The following MTMR9 variants were observed in gnomAD, a reference collection of about 807,000 sequenced individuals.
MTMR9 encodes the protein myotubularin related protein 9, also known as myotubularin-related protein 9.
Under a neutral mutation model 69.5 loss-of-function variants are expected in MTMR9, and 39 were observed. The ratio of observed to expected loss-of-function variants is 0.56; its 90% CI spans 0.43 to 0.73. MTMR9 has a LOEUF of 0.73. MTMR9 is among the 30% of genes least tolerant of loss of function. The pLI, the probability that MTMR9 is intolerant of heterozygous loss-of-function variation, is 0.00. For synonymous variants in MTMR9, 354 were observed against 240.8 expected, an observed-to-expected ratio of 1.47 and a Z score of -4.35; for missense variants, 900 against 671.2, an observed-to-expected ratio of 1.34 and a Z score of -3.77.
downstream of MTMR9, chr8:11,331,505 T>G (rs760297222): frequency 6.2e-7 from 1 of 1,613,746 alleles, no homozygotes; most frequent in Non-Finnish European, 8.5e-7. Flanking sequence ...CTGCCACTGT[T>G]CGCAAAGGTT....
At chr8:11,337,677 C>T in the MTMR9 span, among the ~76,000 whole-genome samples, 3 of 152,240 alleles carry the variant, frequency 2.0e-5, no homozygotes, top group African/African-American at 7.2e-5. Flanking sequence ...AGACTCGGTC[C>T]TGCTAGGGAA....
At chr8:11,316,548 A>T (rs1363982592) in intron 7 of MTMR9, 125 bp from the exon 8 acceptor site, 1 of 579,982 alleles carries the variant, frequency 1.7e-6, no homozygotes, top group Non-Finnish European at 3.0e-6. Context: ...TACAACAGCT[A>T]CCCTAATTAT....
intron 1 of MTMR9, among the ~76,000 whole-genome samples, chr8:11,289,308 C>T (rs751543603): frequency 1.6e-4 from 24 of 152,338 alleles, no homozygotes; most frequent in African/African-American, 2.2e-4. Flanking sequence ...AAGGGTAACT[C>T]CTTCAGTTCT....
Position 11,316,733 on chromosome 8 carries a change from T to G in MTMR9, c.1174T>G (p.Trp392Gly). The change falls in exon 8 of 10, where the codon TGG (tryptophan) becomes GGG (glycine). Residue 392 changes from tryptophan (W) to glycine (G), a missense_variant. Trp to Gly is a radical substitution (Grantham distance 184). Coordinates refer to ENST00000221086, the MANE Select transcript of MTMR9 (RefSeq NM_015458.4). Reference protein sequence around the residue: ...QSAYCNTKQKWEAPVFLLFLD... With the variant: ...QSAYCNTKQKGEAPVFLLFLD... ...AGCCTACTGTAACACCAAGCAGAAG[T>G]GGGAGGCTCCTGTATTTCTTCTCTT... 1 of 1,613,678 alleles carries G rather than the reference T, an allele frequency of 6.2e-7. No homozygotes were observed. Among genetic ancestry groups the G allele is most frequent in the Non-Finnish European group, 8.5e-7 (1 of 1,179,884 alleles).
chr8:11,331,637 C>T (rs1563297809), downstream of MTMR9: 2 of 1,612,658 alleles, frequency 1.2e-6, no homozygotes, highest in South Asian at 2.2e-5. Flanking sequence ...GACCTGGACT[C>T]TGGACACTAC....
intron 3 of MTMR9, among the ~76,000 whole-genome samples, chr8:11,304,516 C>T (rs188945631): frequency 5.9e-5 from 9 of 152,166 alleles, no homozygotes; most frequent in East Asian, 3.9e-4. Flanking sequence ...GATGGGATAC[C>T]GTGTAAAATA....
the MTMR9 span, among the ~76,000 whole-genome samples, chr8:11,337,942 T>A: frequency 6.6e-6 from 1 of 152,232 alleles, no homozygotes; most frequent in African/African-American, 2.4e-5. Flanking sequence ...ATAAATAGAA[T>A]CAAATCTCAA....
chr8:11,314,137 G>A (rs565024874), intron 6 of MTMR9, among the ~76,000 whole-genome samples: 1 of 152,338 alleles, frequency 6.6e-6, no homozygotes, highest in Admixed American at 6.5e-5. Context: ...ATGTACATGG[G>A]TAAAAACTGA....
intron 1 of MTMR9, among the ~76,000 whole-genome samples, chr8:11,293,980 A>G (rs951824016): frequency 5.9e-5 from 9 of 152,190 alleles, no homozygotes; most frequent in Non-Finnish European, 1.0e-4. Flanking sequence ...AGTGTTAGCC[A>G]TACCACTTTG....
chr8:11,315,178 G>T (rs1800365063), intron 7 of MTMR9, 114 bp downstream of exon 7: 2 of 1,331,484 alleles, frequency 1.5e-6, no homozygotes, highest in Non-Finnish European at 2.1e-6. Context: ...TCTAAGTTGT[G>T]TGTTTAATTT....
chr8:11,304,329 TG>T (rs1799859847), intron 3 of MTMR9, among the ~76,000 whole-genome samples: 1 of 152,214 alleles, frequency 6.6e-6, no homozygotes, highest in Non-Finnish European at 1.5e-5. Flanking sequence ...GTTCTGGGGA[TG>T]CATTATCTGG....
Position 11,316,781 on chromosome 8 carries a change from C to T in MTMR9, c.1222C>T (p.Leu408Phe), listed in dbSNP as rs770676864. Residue 408 changes from leucine (L) to phenylalanine (F), a missense_variant, in exon 8 of 10, where the codon CTT becomes TTT. Transcript: ENST00000221086. ...CTTCTTGGACTGCGTGTGGCAGATC[C>T]TTCGTCAGTTTCCCTGTTCTTTTGA... ...LLFLDCVWQI[L>F]RQFPCSFEFN... is the part of the protein sequence containing the mutation. 4 of 1,613,812 alleles carry T rather than the reference C, an allele frequency of 2.5e-6. No homozygotes were observed. Among genetic ancestry groups the T allele is most frequent in the Non-Finnish European group, 2.5e-6 (3 of 1,179,966 alleles).
chr8:11,307,963 G>A (rs1012153936), intron 5 of MTMR9, among the ~76,000 whole-genome samples: 1 of 152,108 alleles, frequency 6.6e-6, no homozygotes, highest in Non-Finnish European at 1.5e-5. Context: ...ATCCAGTGTG[G>A]TGTTCACAAA....
chr8:11,290,721 C>G (rs1347064822), intron 1 of MTMR9, among the ~76,000 whole-genome samples: 1 of 152,158 alleles, frequency 6.6e-6, no homozygotes, highest in African/African-American at 2.4e-5. Context: ...TCAAGTTATC[C>G]TATATATACG....
At chr8:11,290,432 C>G (rs1022739089) in intron 1 of MTMR9, among the ~76,000 whole-genome samples, 1 of 151,510 alleles carries the variant, frequency 6.6e-6, no homozygotes, top group African/African-American at 2.4e-5. Context: ...TCTGTGGTGC[C>G]CTTTGTTGAA....
intron 1 of MTMR9, among the ~76,000 whole-genome samples, chr8:11,290,474 C>T (rs951289841): frequency 8.6e-5 from 13 of 152,038 alleles, no homozygotes; most frequent in Admixed American, 5.9e-4. Context: ...CAGAACTTGC[C>T]AATGTTTTGC....
downstream of MTMR9, chr8:11,331,190 C>T (rs1446047136): frequency 2.5e-6 from 4 of 1,613,900 alleles, no homozygotes; most frequent in South Asian, 1.1e-5. Context: ...TCCGCTGGCA[C>T]CAGCGCTGCC....
At chr8:11,289,496 T>A (rs1799304837) in intron 1 of MTMR9, among the ~76,000 whole-genome samples, 1 of 152,062 alleles carries the variant, frequency 6.6e-6, no homozygotes, top group Admixed American at 6.5e-5. Flanking sequence ...GTTTTTTTTT[T>A]AATGGACCTC....
downstream of MTMR9, among the ~76,000 whole-genome samples, chr8:11,330,400 C>T (rs938150679): frequency 2.6e-5 from 4 of 152,200 alleles, no homozygotes; most frequent in Non-Finnish European, 5.9e-5. Flanking sequence ...GCCCGGCCAC[C>T]ACCCCGTCTG....
Sources: allele counts gnomAD v4.1 joint callset (sites outside exome capture counted in the v4.1 genomes callset), GRCh38; gene constraint gnomAD v4.1.1; transcripts MANE v1.5; gene names NCBI Gene and HGNC (gene_info 2026-07-23, HGNC 2026-07-21).